Variants in APBB1IP observed in about 807,000 individuals in gnomAD.
The protein encoded by APBB1IP is amyloid beta A4 precursor protein-binding family B member 1-interacting protein.
In APBB1IP, 27 loss-of-function variants were observed where a neutral mutation model predicts 64.9. That is an observed-to-expected ratio of 0.42 (90% confidence interval 0.31 to 0.57). The LOEUF is 0.57. Among genes scored for constraint, APBB1IP ranks in the 20% least tolerant of loss-of-function variants. The probability of loss-of-function intolerance (pLI) is 0.20; values close to 1 mark genes in which losing one functional copy is unlikely to be tolerated. For missense variants in APBB1IP, 812 were observed against 845.5 expected (o/e 0.96, Z 0.49); for synonymous variants, 392 against 331.0 (o/e 1.18, Z -2.00).
At chr10:26,480,166 A>G (rs2132421630) in intron 2 of APBB1IP, among the ~76,000 whole-genome samples, 1 of 152,292 alleles carries the variant, frequency 6.6e-6, no homozygotes, top group East Asian at 1.9e-4. Flanking sequence ...GGATTGGGAC[A>G]TGAGATCTAA....
rs763282951 is a variant in APBB1IP, at chr10:26,533,498, T to G, written c.873T>G (p.Asn291Lys). Reference protein sequence around the residue: ...KESKETNEKMNAKNKESLLEE... With the variant: ...KESKETNEKMKAKNKESLLEE... The stretch of plus-strand genomic sequence containing the variant: ...GCAAGGAAACTAATGAGAAAATGAA[T>G]GCTAAGAACAAGGAATCCTTACTTG... The change falls in exon 9 of 15, where the codon AAT (asparagine) becomes AAG (lysine). Residue 291 changes from asparagine (N) to lysine (K), a missense_variant. Asn to Lys is a moderately conservative substitution (Grantham distance 94, BLOSUM62 0). This residue lies in a region of APBB1IP where 394 missense variants were observed against 413.1 expected (regional missense o/e 0.95). Coordinates refer to ENST00000376236, the MANE Select transcript of APBB1IP (RefSeq NM_019043.4). The G allele has an allele frequency of 2.6e-5, 41 of 1,605,556 alleles. No individual in the cohort carries two copies. The highest frequency in any genetic ancestry group is 3.3e-5 in the Non-Finnish European group (39 of 1,176,736).
At chr10:26,449,413 T>G (rs566003791) in intron 2 of APBB1IP, among the ~76,000 whole-genome samples, 57 of 152,170 alleles carry the variant, frequency 3.7e-4, no homozygotes, top group African/African-American at 1.2e-3. Context: ...ATGATGATGA[T>G]GAGGATGATA....
At chr10:26,562,225 C>T in intron 13 of APBB1IP, 101 bp from the exon 14 acceptor site, 3 of 862,356 alleles carry the variant, frequency 3.5e-6, no homozygotes, top group Non-Finnish European at 5.6e-6. Context: ...AAGTATCTTT[C>T]TTTGCTTTAG....
intron 6 of APBB1IP, 65 bp downstream of exon 6, chr10:26,503,339 T>TA: frequency 4.5e-6 from 7 of 1,558,588 alleles, no homozygotes; most frequent in South Asian, 3.4e-5. Context: ...TGCTTAATGA[T>TA]AAAAAACAAA....
chr10:26,510,559 C>T (rs924237018), intron 6 of APBB1IP, among the ~76,000 whole-genome samples: 10 of 151,948 alleles, frequency 6.6e-5, no homozygotes, highest in Admixed American at 1.3e-4. Flanking sequence ...ATAGTGAGAC[C>T]TTGCCTCTAC....
chr10:26,567,685 A>G lies in APBB1IP; in HGVS notation c.*197A>G, dbSNP rs1564381731. Reference sequence around the variant, plus strand: ...CTGCCCAAATGTACATATCGTTCCCATGTATTTTAACCTAAATGGAATGTA... The same window carrying G: ...CTGCCCAAATGTACATATCGTTCCCGTGTATTTTAACCTAAATGGAATGTA... On this transcript the variant is annotated 3_prime_UTR_variant, in exon 15 of 15. Coordinates refer to ENST00000376236, the MANE Select transcript of APBB1IP (RefSeq NM_019043.4). 7.8e-7 allele frequency: 1 copy of G among 1,275,094 alleles called. No individual in the cohort carries two copies. Among genetic ancestry groups the G allele is most frequent in the Non-Finnish European group, 1.0e-6 (1 of 987,802 alleles). The allele number at this position is 1,275,094 out of a possible 1,614,324, so 79.0% of individuals were successfully genotyped here. A position where few individuals can be genotyped will look rare whatever the true frequency, so the allele number is the denominator to read the frequency against.
rs754428137 is a variant in APBB1IP at position 26,562,324 on chromosome 10, A to G, written c.1370-2A>G. 6.2e-7 allele frequency: 1 copy of G among 1,610,826 alleles called. No homozygotes were observed. Among genetic ancestry groups the G allele is most frequent in the Non-Finnish European group, 8.5e-7 (1 of 1,177,298 alleles). ...CTTCTTTTCTCACTTCTTCCCTCTC[A>G]GGACCTAAAACAGGCACCACCCAGC... On this transcript the variant is annotated splice_acceptor_variant, in intron 13 of 14. Coordinates refer to ENST00000376236, the MANE Select transcript of APBB1IP (RefSeq NM_019043.4). LOFTEE classifies it high-confidence loss of function.
intron 13 of APBB1IP, among the ~76,000 whole-genome samples, chr10:26,561,420 G>C (rs1300941485): frequency 8.2e-6 from 1 of 121,230 alleles, no homozygotes; most frequent in East Asian, 2.5e-4. Context: ...GTAAGGTCTT[G>C]CTCTGTCACC....
At chr10:26,513,974 T>G (rs545533703) in intron 8 of APBB1IP, among the ~76,000 whole-genome samples, 1 of 152,300 alleles carries the variant, frequency 6.6e-6, no homozygotes, top group East Asian at 1.9e-4. Flanking sequence ...GACCTCGTGA[T>G]CTGCCCACCT....
chr10:26,561,064 C>CTTTCTTTTTTTTTTTTTTTT (rs1218039459), intron 13 of APBB1IP, among the ~76,000 whole-genome samples: 1 of 69,210 alleles, frequency 1.4e-5, no homozygotes, highest in African/African-American at 5.9e-5. Context: ...TTCTTTCTTT[C>CTTTCTTTTTTTTTTTTTTTT]TTTTTTTTTT....
intron 2 of APBB1IP, among the ~76,000 whole-genome samples, chr10:26,478,263 C>T (rs899834553): frequency 2.0e-5 from 3 of 152,272 alleles, no homozygotes; most frequent in Non-Finnish European, 4.4e-5. Flanking sequence ...AGCGAATGCA[C>T]GCTCACAGGG....
intron 11 of APBB1IP, among the ~76,000 whole-genome samples, chr10:26,557,134 G>A (rs1836904247): frequency 6.6e-6 from 1 of 152,174 alleles, no homozygotes; most frequent in South Asian, 2.1e-4. Flanking sequence ...AATTTTAAGG[G>A]CCTCCAAAGA....
intron 11 of APBB1IP, among the ~76,000 whole-genome samples, chr10:26,543,327 C>T (rs1836719755): frequency 6.6e-6 from 1 of 151,720 alleles, no homozygotes; most frequent in Non-Finnish European, 1.5e-5. Flanking sequence ...AGTAGCTGGG[C>T]GTGGTGGTGC....
At chr10:26,482,525 T>G (rs786715) in intron 2 of APBB1IP, among the ~76,000 whole-genome samples, 9,161 of 152,254 alleles carry the variant, frequency 0.06, 900 homozygotes, top group African/African-American at 0.21. Context: ...TCCACCAGCA[T>G]TTGCGAGCAT....
At chr10:26,456,284 A>G (rs1035517242) in intron 2 of APBB1IP, among the ~76,000 whole-genome samples, 5 of 152,226 alleles carry the variant, frequency 3.3e-5, no homozygotes, top group Admixed American at 2.0e-4. Flanking sequence ...TGGATGCACT[A>G]GGTGCAATTT....
At chr10:26,508,629 G>T (rs1836214382) in intron 6 of APBB1IP, among the ~76,000 whole-genome samples, 1 of 151,808 alleles carries the variant, frequency 6.6e-6, no homozygotes, top group Non-Finnish European at 1.5e-5. Flanking sequence ...ACATAACTGT[G>T]ATTTAATGTT....
intron 5 of APBB1IP, chr10:26,501,773 T>C (rs998864935): frequency 3.9e-5 from 6 of 152,500 alleles, no homozygotes; most frequent in African/African-American, 1.4e-4. Flanking sequence ...CCAAATATTT[T>C]AGAGGAGAGT....
chr10:26,517,670 C>T (rs1836349312), intron 8 of APBB1IP, among the ~76,000 whole-genome samples: 1 of 152,204 alleles, frequency 6.6e-6, no homozygotes, highest in South Asian at 2.1e-4. Context: ...TTTTGTTTAG[C>T]TTTGCTTTGG....
At chr10:26,502,232 TACTTA>T (rs1232516711) in intron 5 of APBB1IP, among the ~76,000 whole-genome samples, 14 of 152,390 alleles carry the variant, frequency 9.2e-5, no homozygotes, top group African/African-American at 3.1e-4. Flanking sequence ...ATAGAAGAGA[TACTTA>T]ACTTGCAAAA....
Sources: gnomAD v4.1 joint callset for allele counts (sites outside exome capture counted in the v4.1 genomes callset) on GRCh38, gnomAD v4.1.1 for gene constraint, gnomAD v4.1.1 regional missense constraint, MANE v1.5 for transcripts, NCBI Gene and HGNC (gene_info 2026-07-23, HGNC 2026-07-21) for gene names.